Variants in ARHGAP32 observed in about 807,000 individuals in gnomAD.
ARHGAP32 encodes the protein Rho GTPase activating protein 32.
Under a neutral mutation model 186.5 loss-of-function variants are expected in ARHGAP32, and 51 were observed. The observed-to-expected ratio is 0.27, with a 90% CI of 0.22 to 0.35. ARHGAP32 has a LOEUF of 0.35. ARHGAP32 is among the 10% of genes least tolerant of loss of function. ARHGAP32 has a pLI of 1.00. For synonymous variants in ARHGAP32, 950 were observed against 964.3 expected (o/e 0.99, Z 0.27); for missense variants, 2,186 against 2,623.5 (o/e 0.83, Z 3.64).
chr11:129,051,077 A>G (rs558165002), intron 10 of ARHGAP32, among the ~76,000 whole-genome samples: 1 of 152,286 alleles, frequency 6.6e-6, no homozygotes, highest in East Asian at 1.9e-4. Flanking sequence ...AGTCTTTGCT[A>G]TTGTGAACAA....
At chr11:129,076,132 T>A (rs1941035877) in intron 6 of ARHGAP32, among the ~76,000 whole-genome samples, 2 of 152,120 alleles carry the variant, frequency 1.3e-5, no homozygotes, top group South Asian at 4.1e-4. Flanking sequence ...ACAAATGAGA[T>A]AACAACGTCA....
At chr11:129,237,396 A>G (rs1944950834) in intron 1 of ARHGAP32, among the ~76,000 whole-genome samples, 1 of 152,228 alleles carries the variant, frequency 6.6e-6, no homozygotes, top group South Asian at 2.1e-4. Flanking sequence ...AACTTCAGAA[A>G]ACAAAATCTT....
chr11:129,214,730 T>C (rs1944623868), intron 1 of ARHGAP32, among the ~76,000 whole-genome samples: 1 of 152,224 alleles, frequency 6.6e-6, no homozygotes, highest in South Asian at 2.1e-4. Flanking sequence ...GAATTCAGCA[T>C]TTGCTTACGC....
At chr11:129,200,374 G>T (rs1944442854) in intron 1 of ARHGAP32, among the ~76,000 whole-genome samples, 2 of 152,176 alleles carry the variant, frequency 1.3e-5, no homozygotes, top group Non-Finnish European at 2.9e-5. Context: ...TTGTGGGAGG[G>T]ACCCAGTGGG....
chr11:129,030,935 C>T (rs1376095471), intron 11 of ARHGAP32, among the ~76,000 whole-genome samples: 1 of 152,200 alleles, frequency 6.6e-6, no homozygotes, highest in East Asian at 1.9e-4. Context: ...CTCTCTTGCT[C>T]CTACTCCTGC....
At chr11:128,979,497 G>A (rs1015709445) in intron 18 of ARHGAP32, among the ~76,000 whole-genome samples, 8 of 152,104 alleles carry the variant, frequency 5.3e-5, no homozygotes, top group African/African-American at 1.7e-4. Flanking sequence ...ATTAAATGAT[G>A]GAGTCAGAAT....
intron 5 of ARHGAP32, among the ~76,000 whole-genome samples, chr11:129,113,367 T>C (rs1410127690): frequency 6.6e-6 from 1 of 152,310 alleles, no homozygotes; most frequent in East Asian, 1.9e-4. Flanking sequence ...TGTATGCAGT[T>C]ATAATTTAAT....
chr11:129,193,569 A>AAT (rs1167668157), upstream of ARHGAP32, among the ~76,000 whole-genome samples: 12 of 12,964 alleles, frequency 9.3e-4, 1 homozygote, highest in Admixed American at 5.0e-3. Flanking sequence ...TATTATATAT[A>AAT]ATATATATAT....
At chr11:129,178,918 C>G (rs1161260254) in intron 1 of ARHGAP32, among the ~76,000 whole-genome samples, 123 of 152,116 alleles carry the variant, frequency 8.1e-4, no homozygotes, top group Middle Eastern at 3.4e-3. Flanking sequence ...AAAAGCAATG[C>G]CAACAAGAGC....
chr11:129,201,876 AG>A (rs1944459775), intron 1 of ARHGAP32, among the ~76,000 whole-genome samples: 1 of 152,148 alleles, frequency 6.6e-6, no homozygotes, highest in African/African-American at 2.4e-5. Context: ...CCAGCTACTC[AG>A]GAAGCTGAAG....
chr11:129,200,689 G>A (rs779077973), intron 1 of ARHGAP32, among the ~76,000 whole-genome samples: 1 of 151,976 alleles, frequency 6.6e-6, no homozygotes, highest in Non-Finnish European at 1.5e-5. Context: ...TCTCAGTTTC[G>A]TAATCTCTAA....
intron 1 of ARHGAP32, among the ~76,000 whole-genome samples, chr11:129,199,969 G>A (rs1162739588): frequency 6.6e-6 from 1 of 152,202 alleles, no homozygotes; most frequent in African/African-American, 2.4e-5. Context: ...GTGAGACATG[G>A]TGTCAAAGGA....
chr11:129,231,881 C>G (rs902031064), intron 1 of ARHGAP32, among the ~76,000 whole-genome samples: 4 of 151,674 alleles, frequency 2.6e-5, no homozygotes, highest in African/African-American at 9.7e-5. Flanking sequence ...AAAAATTAGC[C>G]AGGCCTGATG....
At chr11:129,121,215 CA>C (rs923263015) in intron 5 of ARHGAP32, among the ~76,000 whole-genome samples, 13 of 151,618 alleles carry the variant, frequency 8.6e-5, no homozygotes, top group African/African-American at 3.1e-4. Context: ...ATCAGTCCAT[CA>C]AAATGTAAAA....
intron 1 of ARHGAP32, among the ~76,000 whole-genome samples, chr11:129,263,326 T>G (rs763252938): frequency 1.3e-5 from 2 of 152,104 alleles, no homozygotes; most frequent in Non-Finnish European, 2.9e-5. Flanking sequence ...ATTTGAAATT[T>G]TATACCTGTT....
rs1945447379 is a variant in ARHGAP32, at chr11:128,973,342, C to A, written c.3164G>T (p.Arg1055Leu). 1 of 1,614,006 alleles carries A rather than the reference C, an allele frequency of 6.2e-7. No individual in the cohort carries two copies. The highest frequency in any genetic ancestry group is 8.5e-7 in the Non-Finnish European group (1 of 1,180,020). ...CTCAGCTAATGCTAGCGCCAACATTCGGGCAACATTTTTCGGAGGCGGTGG... is the reference window on the plus strand; with the variant it reads ...CTCAGCTAATGCTAGCGCCAACATTAGGGCAACATTTTTCGGAGGCGGTGG... ...PPPPPPKNVA[R>L]MLALALAESA... The change falls in exon 22 of 23, where the codon CGA (arginine) becomes CTA (leucine). Residue 1055 changes from arginine to leucine, a missense_variant. Around this residue, in one of 5 missense-constraint regions of ARHGAP32, gnomAD observed 1,502 missense variants for 1,570.0 expected, o/e 0.96. Coordinates refer to ENST00000682385, the MANE Select transcript of ARHGAP32 (RefSeq NM_001378024.1).
rs150195081 is a variant in ARHGAP32, at chr11:129,271,047, G to A, written c.-5+8099C>T. On this transcript the variant is annotated intron_variant, in intron 1 of 6. Coordinates refer to the ARHGAP32 transcript ENST00000525234. ...ACCACTGATATGGAGCCTCATAAGCGACCAAAATGAAGGGTTTATTTCCAC... is the reference window on the plus strand; with the variant it reads ...ACCACTGATATGGAGCCTCATAAGCAACCAAAATGAAGGGTTTATTTCCAC... 5.3e-5 allele frequency among the ~76,000 whole-genome samples: 8 copies of A among 152,260 alleles called. No homozygotes were observed. In the East Asian group the frequency reaches 9.7e-4, roughly 18 times the overall value.
chr11:129,009,064 A>G (rs1189743513), intron 11 of ARHGAP32, among the ~76,000 whole-genome samples: 2 of 152,234 alleles, frequency 1.3e-5, no homozygotes, highest in Non-Finnish European at 2.9e-5. Flanking sequence ...TTGGTTTGCA[A>G]CAATTTAACA....
chr11:129,214,362 GTC>G (rs1160462433), intron 1 of ARHGAP32, among the ~76,000 whole-genome samples: 1 of 152,176 alleles, frequency 6.6e-6, no homozygotes, highest in Non-Finnish European at 1.5e-5. Context: ...TCAACGAGAA[GTC>G]TCTGTTCTAT....
Sources: gnomAD v4.1 joint callset for allele counts (sites outside exome capture counted in the v4.1 genomes callset) on GRCh38, gnomAD v4.1.1 for gene constraint, gnomAD v4.1.1 regional missense constraint, MANE v1.5 for transcripts, NCBI Gene and HGNC (gene_info 2026-07-23, HGNC 2026-07-21) for gene names.